The following ZNF521 variants were observed in gnomAD, a reference collection of about 807,000 sequenced individuals.
The protein encoded by ZNF521 is zinc finger protein 521, also known as LYST-interacting protein 3.
ZNF521 carries 14 observed loss-of-function variants against 105.5 expected under a neutral mutation model. That is an observed-to-expected ratio of 0.13 (90% confidence interval 0.09 to 0.21). The LOEUF (loss-of-function observed/expected upper bound fraction) is 0.21, where lower values mean the gene tolerates loss of function less well. Ranked by LOEUF, ZNF521 falls within the 10% of genes least tolerant of loss-of-function variation. The probability of loss-of-function intolerance (pLI) is 1.00; values close to 1 mark genes in which losing one functional copy is unlikely to be tolerated. For missense variants in ZNF521, 1,233 were observed against 1,629.7 expected (o/e 0.76, Z 4.19); for synonymous variants, 635 against 606.0 (o/e 1.05, Z -0.70).
chr18:25,075,664 C>G (rs890660136), intron 7 of ZNF521, among the ~76,000 whole-genome samples: 1 of 152,168 alleles, frequency 6.6e-6, no homozygotes, highest in African/African-American at 2.4e-5. Flanking sequence ...TCAGACTCAC[C>G]TAAGTTGTTG....
At chr18:25,131,124 G>T (rs1307279484) in intron 5 of ZNF521, among the ~76,000 whole-genome samples, 1 of 152,052 alleles carries the variant, frequency 6.6e-6, no homozygotes, top group Non-Finnish European at 1.5e-5. Context: ...AGAGAAGATT[G>T]CTTCTTACTG....
At chr18:25,211,576 T>C (rs1004493482) in intron 4 of ZNF521, among the ~76,000 whole-genome samples, 77 of 152,224 alleles carry the variant, frequency 5.1e-4, no homozygotes, top group African/African-American at 1.8e-3. Flanking sequence ...TTTTCCTATA[T>C]GGCAGTTTGC....
chr18:25,212,257 A>G (rs2036192608), intron 4 of ZNF521, among the ~76,000 whole-genome samples: 1 of 151,666 alleles, frequency 6.6e-6, no homozygotes, highest in South Asian at 2.1e-4. Context: ...CACGCCTGTA[A>G]TCCTAGCACT....
chr18:25,324,082 T>A (rs112400043), intron 2 of ZNF521, among the ~76,000 whole-genome samples: 1 of 152,218 alleles, frequency 6.6e-6, no homozygotes, highest in South Asian at 2.1e-4. Flanking sequence ...CATTTCGGTA[T>A]ACCAGGATTT....
At chr18:25,083,375 T>A (rs2033546005) in intron 7 of ZNF521, among the ~76,000 whole-genome samples, 1 of 152,240 alleles carries the variant, frequency 6.6e-6, no homozygotes, top group Non-Finnish European at 1.5e-5. Flanking sequence ...AAAGTTCTGA[T>A]ATGTCTGAGG....
At chr18:25,133,692 T>C (rs1202659940) in intron 5 of ZNF521, among the ~76,000 whole-genome samples, 6 of 152,220 alleles carry the variant, frequency 3.9e-5, no homozygotes, top group African/African-American at 1.4e-4. Context: ...CCAAATCAAC[T>C]TTATTATCAT....
intron 4 of ZNF521, among the ~76,000 whole-genome samples, chr18:25,223,766 GAAT>G (rs1295940565): frequency 6.6e-6 from 1 of 151,696 alleles, no homozygotes; most frequent in African/African-American, 2.4e-5. Context: ...TCTTTAAACA[GAAT>G]AATGGGCATG....
chr18:25,294,623 G>A (rs146380632), intron 3 of ZNF521, among the ~76,000 whole-genome samples: 13 of 152,160 alleles, frequency 8.5e-5, no homozygotes, highest in African/African-American at 2.4e-4. Flanking sequence ...TTGGGAGGCT[G>A]AGCGGGGCAG....
intron 2 of ZNF521, among the ~76,000 whole-genome samples, chr18:25,349,974 C>T (rs1914652058): frequency 6.6e-6 from 1 of 151,660 alleles, no homozygotes; most frequent in East Asian, 1.9e-4. Context: ...GACCTCGCGG[C>T]TCCCCTCGGC....
intron 5 of ZNF521, among the ~76,000 whole-genome samples, chr18:25,184,530 T>C (rs1386665416): frequency 6.6e-6 from 1 of 152,216 alleles, no homozygotes; most frequent in African/African-American, 2.4e-5. Context: ...TAAAAATTAA[T>C]TGCATTACTG....
chr18:25,193,751 C>T (rs1009515933), intron 5 of ZNF521, among the ~76,000 whole-genome samples: 2 of 151,902 alleles, frequency 1.3e-5, no homozygotes, highest in African/African-American at 4.8e-5. Flanking sequence ...AAGCTGTCAA[C>T]GCTATTGTCA....
At chr18:25,351,016 G>T (rs1370127593) in intron 1 of ZNF521, 69 bp from the exon 2 acceptor site, 41 of 1,302,644 alleles carry the variant, frequency 3.1e-5, no homozygotes, top group Non-Finnish European at 3.9e-5. Context: ...GTGGCCGCGC[G>T]CCCCTCGGGC....
intron 5 of ZNF521, among the ~76,000 whole-genome samples, chr18:25,128,108 T>A (rs977634558): frequency 6.6e-6 from 1 of 151,630 alleles, no homozygotes; most frequent in African/African-American, 2.4e-5. Flanking sequence ...CAACAATACA[T>A]AAAACAATTA....
chr18:25,134,961 T>C (rs2034706066), intron 5 of ZNF521, among the ~76,000 whole-genome samples: 1 of 152,162 alleles, frequency 6.6e-6, no homozygotes. Context: ...CACACCACTC[T>C]ATCCTGTAAT....
At chr18:25,079,014 G>C (rs958078873) in intron 7 of ZNF521, among the ~76,000 whole-genome samples, 1 of 152,328 alleles carries the variant, frequency 6.6e-6, no homozygotes, top group South Asian at 2.1e-4. Context: ...ACTGTGGCTT[G>C]CATCGCACAA....
In ZNF521 at chr18:25,227,818, A is replaced by C; in HGVS notation, c.221-121T>G. The C allele has an allele frequency of 1.3e-6, 1 of 778,774 alleles. No homozygotes were observed. The highest frequency in any genetic ancestry group is 2.0e-6 in the Non-Finnish European group (1 of 500,368). 48.2% of individuals were successfully genotyped at this position (778,774 alleles called of 1,614,324 possible). A position where few individuals can be genotyped will look rare whatever the true frequency, so the allele number is the denominator to read the frequency against. On this transcript the variant is annotated intron_variant, in intron 3 of 7. Transcript: ENST00000361524. This position sits in a 1 kb window ranked among gnomAD's most constrained non-coding sequence, Gnocchi z 5.7. ...CTTGAATCTTTCAAGAAAAAACAAA[A>C]TGAAAAGAGAGAATATTTGAGTGAG... is the stretch of plus-strand genomic sequence containing the variant.
Position 25,322,076 on chromosome 18 carries a change from C to G in ZNF521, c.152G>C (p.Ser51Thr). 1.9e-6 allele frequency: 3 copies of G among 1,614,158 alleles called. No individual in the cohort carries two copies. Among genetic ancestry groups the G allele is most frequent in the Non-Finnish European group, 2.5e-6 (3 of 1,179,990 alleles). The stretch of plus-strand genomic sequence containing the variant: ...CAGCGATTCAAACACCTGGAGGCAG[C>G]TGTCACAGCTGTGCACAGCTTCGTC... ...LEDEAVHSCDSCLQVFESLSD... is the reference protein window; with the variant it reads ...LEDEAVHSCDTCLQVFESLSD... The change falls in exon 3 of 8, where the codon AGC (serine) becomes ACC (threonine). Residue 51 changes from serine to threonine, a missense_variant. Ser to Thr is a moderately conservative substitution (Grantham distance 58, BLOSUM62 1). Around this residue, in one of 6 missense-constraint regions of ZNF521, gnomAD observed 76 missense variants for 79.3 expected, o/e 0.96. Coordinates refer to ENST00000361524, the MANE Select transcript of ZNF521 (RefSeq NM_015461.3).
intron 5 of ZNF521, among the ~76,000 whole-genome samples, chr18:25,145,167 T>A (rs1294665739): frequency 6.6e-6 from 1 of 152,312 alleles, no homozygotes; most frequent in East Asian, 1.9e-4. Flanking sequence ...GGTTTCAATA[T>A]CATGCAGGGC....
At chr18:25,065,721 G>A (rs1274496318) in intron 7 of ZNF521, among the ~76,000 whole-genome samples, 1 of 152,080 alleles carries the variant, frequency 6.6e-6, no homozygotes. Flanking sequence ...GATTCTAGGG[G>A]TTAGTAAAAG....
Sources: allele counts gnomAD v4.1 joint callset (sites outside exome capture counted in the v4.1 genomes callset), GRCh38; gene constraint gnomAD v4.1.1; regional missense constraint gnomAD v4.1.1; non-coding constraint Gnocchi (gnomAD v3.1); transcripts MANE v1.5; gene names NCBI Gene and HGNC (gene_info 2026-07-23, HGNC 2026-07-21).